Variants in SLC13A3 observed in about 807,000 individuals in gnomAD.
The protein encoded by SLC13A3 is solute carrier family 13 member 3.
A neutral mutation model predicts 59.0 loss-of-function variants in SLC13A3; 40 were observed. That is an observed-to-expected ratio of 0.68 (90% CI 0.53 to 0.88). The LOEUF (loss-of-function observed/expected upper bound fraction) is 0.88, where lower values mean the gene tolerates loss of function less well. Ranked by LOEUF, SLC13A3 falls within the 40% of genes least tolerant of loss-of-function variation. The pLI, the probability that SLC13A3 is intolerant of heterozygous loss-of-function variation, is 0.00. For synonymous variants in SLC13A3, 317 were observed against 330.3 expected, an observed-to-expected ratio of 0.96 and a Z score of 0.44; for missense variants, 699 against 783.2, an observed-to-expected ratio of 0.89 and a Z score of 1.28.
chr20:46,600,095 C>T, intron 3 of SLC13A3, 58 bp from the exon 4 acceptor site: 4 of 1,329,506 alleles, frequency 3.0e-6, no homozygotes, highest in African/African-American at 1.5e-5. Flanking sequence ...CAGGAGTGTC[C>T]CAAATCTTGT....
chr20:46,573,119 C>T (rs1476051675), intron 10 of SLC13A3, among the ~76,000 whole-genome samples: 2 of 152,174 alleles, frequency 1.3e-5, no homozygotes, highest in Admixed American at 6.5e-5. Flanking sequence ...CCTTTGAAGT[C>T]TGTATCGTTA....
intron 6 of SLC13A3, among the ~76,000 whole-genome samples, 167 bp downstream of exon 6, chr20:46,592,237 A>G (rs113788380): frequency 6.6e-6 from 1 of 152,044 alleles, no homozygotes; most frequent in Non-Finnish European, 1.5e-5. Flanking sequence ...ACATACATAC[A>G]TACATACATA....
At chr20:46,614,445 A>G (rs2062535117) in intron 1 of SLC13A3, among the ~76,000 whole-genome samples, 1 of 152,184 alleles carries the variant, frequency 6.6e-6, no homozygotes, top group African/African-American at 2.4e-5. Flanking sequence ...GCCAGGGGAA[A>G]TACTCCCGCA....
In SLC13A3 at chr20:46,622,901, A is replaced by T. The variant is rs151257640; in HGVS notation, c.112-9176T>A. Among the ~76,000 whole-genome samples the T allele has an allele frequency of 7.5e-3, 1,136 of 152,298 alleles. 7 individuals are homozygous for T. Among genetic ancestry groups the T allele is most frequent in the Non-Finnish European group, 0.011 (765 of 68,024 alleles). ...TCCTGATAAAAACATACCTTTCTCA[A>T]CTATCAGAAAAAGAAATTAAAAAGT... On this transcript the variant is annotated intron_variant, in intron 1 of 12. Transcript: ENST00000279027.
intron 7 of SLC13A3, 135 bp from the exon 8 acceptor site, chr20:46,588,298 C>T (rs2122664175): frequency 5.4e-6 from 3 of 553,446 alleles, no homozygotes; most frequent in South Asian, 2.3e-5. Flanking sequence ...GTCATCCACT[C>T]CCCAGGGAGT....
intron 10 of SLC13A3, among the ~76,000 whole-genome samples, chr20:46,571,162 C>A (rs542658291): frequency 2.6e-5 from 4 of 152,152 alleles, no homozygotes; most frequent in East Asian, 1.9e-4. Flanking sequence ...TAAGGGTAAC[C>A]GCCCCCACGA....
rs140074863 is a variant in SLC13A3, at chr20:46,615,492, G to A, written c.112-1767C>T. ...GACAACAATCCAGGCAACAGACACC[G>A]GCCACCAGGGCCCATTGCTGGCAGT... On this transcript the variant is annotated intron_variant, in intron 1 of 12. Coordinates refer to ENST00000279027, the MANE Select transcript of SLC13A3 (RefSeq NM_022829.6). Among the ~76,000 whole-genome samples the A allele has an allele frequency of 8.9e-4, 135 of 152,238 alleles. 1 individual carries two copies. The East Asian group carries it at 0.019, about 22-fold the overall frequency.
At chr20:46,647,013 T>TC (rs911447070) in intron 1 of SLC13A3, among the ~76,000 whole-genome samples, 6 of 151,882 alleles carry the variant, frequency 4.0e-5, no homozygotes, top group African/African-American at 1.5e-4. Flanking sequence ...TGTACTACCA[T>TC]CCCCCCCAAA....
chr20:46,586,833 A>G (rs1227555327), intron 8 of SLC13A3, among the ~76,000 whole-genome samples: 1 of 152,186 alleles, frequency 6.6e-6, no homozygotes, highest in East Asian at 1.9e-4. Context: ...AAAGCCACAC[A>G]GTAAGTATTT....
At chr20:46,574,541 C>T (rs1292288941) in intron 10 of SLC13A3, among the ~76,000 whole-genome samples, 1 of 152,176 alleles carries the variant, frequency 6.6e-6, no homozygotes, top group Non-Finnish European at 1.5e-5. Flanking sequence ...CCACCCTGGT[C>T]CCAGCCCTGA....
intron 10 of SLC13A3, among the ~76,000 whole-genome samples, chr20:46,572,610 G>A (rs1167011099): frequency 6.6e-6 from 1 of 152,186 alleles, no homozygotes; most frequent in South Asian, 2.1e-4. Context: ...AGTTGCTCAA[G>A]CCACGAACCT....
Position 46,577,688 on chromosome 20 carries a change from T to C in SLC13A3, c.1220-2003A>G, listed in dbSNP as rs146050619. The stretch of plus-strand genomic sequence containing the variant: ...CATCCAACCATGCCTTTGCTGCTAT[T>C]TCTCATAAGCACAATCTCTGACTAT... On this transcript the variant is annotated intron_variant, in intron 9 of 12. Transcript: ENST00000279027. Among the ~76,000 whole-genome samples, 347 of 152,348 alleles carry C rather than the reference T, an allele frequency of 2.3e-3. 2 individuals carry two copies. Among genetic ancestry groups the C allele is most frequent in the African/African-American group, 7.9e-3 (329 of 41,590 alleles).
intron 1 of SLC13A3, among the ~76,000 whole-genome samples, chr20:46,629,960 G>C (rs1384779631): frequency 6.6e-6 from 1 of 152,052 alleles, no homozygotes; most frequent in Non-Finnish European, 1.5e-5. Context: ...CAGATCTCAT[G>C]TTGGCTACTT....
At chr20:46,586,699 C>G (rs2062196342) in intron 8 of SLC13A3, among the ~76,000 whole-genome samples, 2 of 152,188 alleles carry the variant, frequency 1.3e-5, no homozygotes, top group African/African-American at 4.8e-5. Context: ...TTCACACCCC[C>G]CAATCCAACC....
At position 46,589,070 on chromosome 20, in the gene SLC13A3, A is replaced by G. The variant is rs2122666958; in HGVS notation, c.1016+90T>C. 2.7e-6 allele frequency: 3 copies of G among 1,116,336 alleles called. No homozygotes were observed. In the East Asian group the frequency reaches 7.1e-5, roughly 26 times the overall value. The allele number at this position is 1,116,336 out of a possible 1,614,324, so 69.2% of individuals were successfully genotyped here. ...GGGTCCTGGAATTCCCCTGGAGCTC[A>G]GCCCCCATGGGCCCAAGGCCAGGCC... On this transcript the variant is annotated intron_variant, in intron 7 of 12. Transcript: ENST00000279027.
intron 7 of SLC13A3, among the ~76,000 whole-genome samples, chr20:46,588,689 G>C (rs1404515594): frequency 6.6e-6 from 1 of 152,134 alleles, no homozygotes; most frequent in Non-Finnish European, 1.5e-5. Flanking sequence ...GGAGGAGACA[G>C]TTACCCAATG....
chr20:46,667,864 G>T (rs80183316), intron 1 of SLC13A3, among the ~76,000 whole-genome samples: 3,728 of 152,206 alleles, frequency 0.024, 140 homozygotes, highest in African/African-American at 0.084. Flanking sequence ...GTCACATTTT[G>T]GTAATCTTGC....
At chr20:46,587,587 C>T (rs2062207179) in intron 8 of SLC13A3, among the ~76,000 whole-genome samples, 2 of 152,216 alleles carry the variant, frequency 1.3e-5, no homozygotes, top group Admixed American at 1.3e-4. Context: ...TGGCTCTTCC[C>T]AGAACTGTCC....
chr20:46,672,128 C>T (rs1439868957), upstream of SLC13A3, among the ~76,000 whole-genome samples: 2 of 152,360 alleles, frequency 1.3e-5, no homozygotes, highest in Non-Finnish European at 1.5e-5. Flanking sequence ...AGAAGGAAAG[C>T]GTGGCTTTGA....
Sources: gnomAD v4.1 joint callset for allele counts (sites outside exome capture counted in the v4.1 genomes callset) on GRCh38, gnomAD v4.1.1 for gene constraint, MANE v1.5 for transcripts, NCBI Gene and HGNC (gene_info 2026-07-23, HGNC 2026-07-21) for gene names.